The following ECT2L variants were observed in gnomAD, a reference collection of about 807,000 sequenced individuals.
The protein encoded by ECT2L is epithelial cell-transforming sequence 2 oncogene-like.
In ECT2L, 126 loss-of-function variants were observed where a neutral mutation model predicts 122.8. The ratio of observed to expected loss-of-function variants is 1.03; its 90% CI spans 0.89 to 1.19. The LOEUF (loss-of-function observed/expected upper bound fraction) is 1.19, where lower values mean the gene tolerates loss of function less well. Among genes scored for constraint, ECT2L ranks in the 50% most tolerant of loss-of-function variants. The pLI is 0.00. For missense variants in ECT2L, 1,012 were observed against 1,064.1 expected (o/e 0.95, Z 0.68); for synonymous variants, 385 against 381.8 (o/e 1.01, Z -0.10).
chr6:138,800,876 T>G (rs1374848545), intron 1 of ECT2L, among the ~76,000 whole-genome samples: 2 of 152,158 alleles, frequency 1.3e-5, no homozygotes, highest in Non-Finnish European at 2.9e-5. Context: ...AAGGTCAAGG[T>G]GCTGACAGGT....
intron 4 of ECT2L, among the ~76,000 whole-genome samples, chr6:138,818,330 C>G (rs1171380537): frequency 6.6e-6 from 1 of 152,262 alleles, no homozygotes; most frequent in South Asian, 2.1e-4. Flanking sequence ...TAAGAGAGAA[C>G]AGCCCCCTCT....
At chr6:138,867,999 CAAAAAAAAAAAA>C (rs754296302) in intron 12 of ECT2L, 92 bp from the exon 13 acceptor site, 84 of 335,972 alleles carry the variant, frequency 2.5e-4, no homozygotes, top group Admixed American at 6.3e-4. Flanking sequence ...GATTCTGTCT[CAAAAAAAAAAAA>C]AAAAAAAAGA....
chr6:138,830,318 C>G (rs150631031), intron 4 of ECT2L, among the ~76,000 whole-genome samples: 1 of 152,296 alleles, frequency 6.6e-6, no homozygotes, highest in African/African-American at 2.4e-5. Context: ...TAGCAACAAT[C>G]TTAGGCCTTG....
At chr6:138,800,638 A>G (rs1562446952) in intron 1 of ECT2L, among the ~76,000 whole-genome samples, 1 of 152,214 alleles carries the variant, frequency 6.6e-6, no homozygotes, top group Non-Finnish European at 1.5e-5. Flanking sequence ...AATTGCTAGT[A>G]AGAAGATCAC....
chr6:138,828,259 AATTT>A (rs1451318791), intron 4 of ECT2L, among the ~76,000 whole-genome samples: 26 of 152,324 alleles, frequency 1.7e-4, no homozygotes, highest in Admixed American at 1.4e-3. Flanking sequence ...CTTTTAAAAT[AATTT>A]ATTTATCTCA....
At chr6:138,875,670 G>A (rs73778427) in intron 13 of ECT2L, among the ~76,000 whole-genome samples, 6,080 of 152,348 alleles carry the variant, frequency 0.04, 128 homozygotes, top group Middle Eastern at 0.11. Context: ...TTATTTAAAT[G>A]TGCAGGTCTA....
intron 4 of ECT2L, among the ~76,000 whole-genome samples, chr6:138,820,574 A>G (rs533760600): frequency 6.6e-6 from 1 of 152,218 alleles, no homozygotes; most frequent in East Asian, 1.9e-4. Flanking sequence ...AAAATGGTCC[A>G]TAACAGTCCA....
At chr6:138,864,251 G>A (rs1777946694) in intron 11 of ECT2L, among the ~76,000 whole-genome samples, 1 of 152,060 alleles carries the variant, frequency 6.6e-6, no homozygotes, top group Non-Finnish European at 1.5e-5. Flanking sequence ...GAACCCGGGA[G>A]GCGAAGGTTG....
intron 20 of ECT2L, among the ~76,000 whole-genome samples, chr6:138,894,233 T>C (rs985544016): frequency 6.6e-6 from 1 of 151,896 alleles, no homozygotes. Context: ...AGTTTTGTAT[T>C]TTTAGTAGAG....
intron 4 of ECT2L, among the ~76,000 whole-genome samples, chr6:138,837,830 T>A (rs528863937): frequency 3.3e-4 from 51 of 152,274 alleles, no homozygotes; most frequent in African/African-American, 1.2e-3. Flanking sequence ...TCCAAGACTG[T>A]TTTATTCCTG....
chr6:138,819,947 T>C (rs937169716), intron 4 of ECT2L, among the ~76,000 whole-genome samples: 1 of 152,132 alleles, frequency 6.6e-6, no homozygotes, highest in African/African-American at 2.4e-5. Flanking sequence ...ACTAATACTT[T>C]GCATAATTCA....
chr6:138,796,514 TCATAGGTTCA>T (rs963724315), intron 1 of ECT2L, among the ~76,000 whole-genome samples: 1 of 152,090 alleles, frequency 6.6e-6, no homozygotes, highest in African/African-American at 2.4e-5. Context: ...ACGCTGATTT[TCATAGGTTCA>T]CACCAACTGC....
chr6:138,887,444 T>C (rs1002332991), intron 19 of ECT2L, among the ~76,000 whole-genome samples: 12 of 152,062 alleles, frequency 7.9e-5, no homozygotes, highest in African/African-American at 2.2e-4. Context: ...GCCAGGATAG[T>C]CTCGATCTCC....
intron 13 of ECT2L, among the ~76,000 whole-genome samples, chr6:138,874,502 T>A (rs1269831282): frequency 6.6e-6 from 1 of 152,016 alleles, no homozygotes; most frequent in African/African-American, 2.4e-5. Context: ...AAAGAAAAAA[T>A]TATATTTAAA....
chr6:138,872,632 T>C (rs955017965), intron 13 of ECT2L, among the ~76,000 whole-genome samples: 2 of 152,158 alleles, frequency 1.3e-5, no homozygotes, highest in African/African-American at 2.4e-5. Flanking sequence ...TATGAAAACC[T>C]GAAAAACAGC....
At chr6:138,874,599 G>A (rs1295634632) in intron 13 of ECT2L, among the ~76,000 whole-genome samples, 1 of 152,116 alleles carries the variant, frequency 6.6e-6, no homozygotes, top group African/African-American at 2.4e-5. Flanking sequence ...GTCTGGGGGG[G>A]TCCATGATGA....
At chr6:138,888,889 AATTTT>A in intron 19 of ECT2L, 49 bp from the exon 20 acceptor site, 2 of 877,870 alleles carry the variant, frequency 2.3e-6, no homozygotes, top group Non-Finnish European at 1.6e-6. Context: ...TTGCAGTAGT[AATTTT>A]ATTTAAAAAA....
intron 3 of ECT2L, among the ~76,000 whole-genome samples, 185 bp from the exon 4 acceptor site, chr6:138,814,306 C>A (rs552460428): frequency 2.6e-5 from 4 of 152,274 alleles, no homozygotes; most frequent in South Asian, 2.1e-4. Flanking sequence ...CTGTCAGTAT[C>A]CCTGGGTAAA....
intron 9 of ECT2L, among the ~76,000 whole-genome samples, chr6:138,851,624 AG>A (rs1438128501): frequency 1.3e-5 from 2 of 151,908 alleles, no homozygotes; most frequent in Non-Finnish European, 1.5e-5. Flanking sequence ...TCTTCTTCAG[AG>A]AAATGTCTAT....
Sources: gnomAD v4.1 joint callset for allele counts (sites outside exome capture counted in the v4.1 genomes callset) on GRCh38, gnomAD v4.1.1 for gene constraint, MANE v1.5 for transcripts, NCBI Gene and HGNC (gene_info 2026-07-23, HGNC 2026-07-21) for gene names.